TRIM71: variants seen among roughly 807,000 people sequenced by gnomAD.
TRIM71 encodes the protein tripartite motif containing 71.
A neutral mutation model predicts 61.2 loss-of-function variants in TRIM71; 9 were observed. The ratio of observed to expected loss-of-function variants is 0.15; its 90% CI spans 0.09 to 0.26. TRIM71 has a LOEUF of 0.26. Among genes scored for constraint, TRIM71 ranks in the 10% least tolerant of loss-of-function variants. The pLI is 1.00. For missense variants in TRIM71, 998 were observed against 1,238.7 expected (o/e 0.81, Z 2.92); for synonymous variants, 645 against 553.2 (o/e 1.17, Z -2.33).
chr3:32,831,973 T>G (rs1169504888), intron 1 of TRIM71, among the ~76,000 whole-genome samples: 1 of 152,224 alleles, frequency 6.6e-6, no homozygotes, highest in Non-Finnish European at 1.5e-5. Context: ...AATGCCTGTT[T>G]CTGCTCAGTG....
intron 1 of TRIM71, among the ~76,000 whole-genome samples, chr3:32,852,033 C>T (rs996168850): frequency 6.6e-6 from 1 of 152,228 alleles, no homozygotes; most frequent in African/African-American, 2.4e-5. Context: ...GTACCCAAAA[C>T]CCTCTGGAGC....
intron 2 of TRIM71, among the ~76,000 whole-genome samples, chr3:32,875,516 A>G (rs1014771187): frequency 2.6e-5 from 4 of 152,240 alleles, no homozygotes; most frequent in African/African-American, 9.6e-5. Flanking sequence ...GAACCATTCT[A>G]GAATATTTAT....
At chr3:32,885,613 T>C (rs547666122) in intron 2 of TRIM71, among the ~76,000 whole-genome samples, 35 of 152,362 alleles carry the variant, frequency 2.3e-4, no homozygotes, top group Admixed American at 1.4e-3. Context: ...TTACATCTGA[T>C]CCTCATTCCC....
At chr3:32,825,463 C>T (rs1696189888) in intron 1 of TRIM71, among the ~76,000 whole-genome samples, 1 of 152,066 alleles carries the variant, frequency 6.6e-6, no homozygotes, top group Admixed American at 6.5e-5. Context: ...ATTTCTCCAT[C>T]CAGTTCTCTA....
intron 1 of TRIM71, among the ~76,000 whole-genome samples, chr3:32,840,059 T>C (rs1245645665): frequency 6.6e-6 from 1 of 152,194 alleles, no homozygotes; most frequent in Non-Finnish European, 1.5e-5. Context: ...CTTGCTGCTT[T>C]GTAAGTCTGC....
intron 1 of TRIM71, among the ~76,000 whole-genome samples, chr3:32,852,462 G>A (rs927886354): frequency 3.9e-5 from 6 of 152,180 alleles, no homozygotes; most frequent in African/African-American, 1.4e-4. Context: ...TGAGAACTTA[G>A]AAACGGACCC....
At position 32,847,111 on chromosome 3, in the gene TRIM71, G is replaced by A. The variant is rs1017827734; in HGVS notation, c.853-26707G>A. ...CAGTGGCACCATCTCTGCAACCTCC[G>A]CCTCCCAGGTTCAAGCGATTCTCCT... On this transcript the variant is annotated intron_variant, in intron 1 of 3. Coordinates refer to ENST00000383763, the MANE Select transcript of TRIM71 (RefSeq NM_001039111.3). Among the ~76,000 whole-genome samples the A allele has an allele frequency of 4.0e-5, 6 of 151,568 alleles. No homozygotes were observed. In the East Asian group the frequency reaches 7.8e-4, roughly 20 times the overall value.
At chr3:32,832,902 C>A (rs1343054309) in intron 1 of TRIM71, among the ~76,000 whole-genome samples, 2 of 151,872 alleles carry the variant, frequency 1.3e-5, no homozygotes, top group Non-Finnish European at 1.5e-5. Flanking sequence ...GGGCTGGGCG[C>A]GGTGGCTCAC....
chr3:32,858,148 A>G (rs1276680460), intron 1 of TRIM71, among the ~76,000 whole-genome samples: 2 of 152,068 alleles, frequency 1.3e-5, no homozygotes. Context: ...ATCTATGTAT[A>G]AGTGGACCCT....
chr3:32,886,074 A>C lies in TRIM71; in HGVS notation c.1155+6A>C. Reference sequence around the variant, plus strand: ...AGTGTGAGCTGCTGTGGAAGGTAACAGGGAGAGCTCCCCCACCCAGGCTGT... The same window carrying C: ...AGTGTGAGCTGCTGTGGAAGGTAACCGGGAGAGCTCCCCCACCCAGGCTGT... On this transcript the variant is annotated splice_donor_region_variant and intron_variant, in intron 3 of 3. Transcript: ENST00000383763. The C allele has an allele frequency of 6.2e-7, 1 of 1,610,664 alleles. No individual in the cohort carries two copies. Among genetic ancestry groups the C allele is most frequent in the Non-Finnish European group, 8.5e-7 (1 of 1,178,286 alleles).
At chr3:32,851,857 A>G (rs1405187591) in intron 1 of TRIM71, among the ~76,000 whole-genome samples, 1 of 152,166 alleles carries the variant, frequency 6.6e-6, no homozygotes, top group African/African-American at 2.4e-5. Flanking sequence ...TTTCAAACTT[A>G]AATTTCAGGT....
chr3:32,818,165 T>C lies in TRIM71; in HGVS notation c.85T>C (p.Ser29Pro), dbSNP rs1559534372. 1.9e-6 allele frequency: 3 copies of C among 1,604,182 alleles called. No individual in the cohort carries two copies. Among genetic ancestry groups the C allele is most frequent in the Non-Finnish European group, 2.6e-6 (3 of 1,176,012 alleles). ...CTCGCCGGCGCCGCTCTCCTCCAAC[T>C]CGTCCGCGTCGTCGTCCTCCTCGCA... ...CGSPAPLSSN[S>P]SASSSSSQTS... Residue 29 changes from serine (S) to proline (P), a missense_variant, in exon 1 of 4, where the codon TCG (serine) becomes CCG (proline). Physicochemically the swap from Ser to Pro is moderately conservative, Grantham distance 74. Around this residue, in one of 5 missense-constraint regions of TRIM71, gnomAD observed 527 missense variants for 427.8 expected, o/e 1.23. Transcript: ENST00000383763.
chr3:32,878,773 C>CA (rs1216406977), intron 2 of TRIM71, among the ~76,000 whole-genome samples: 3 of 152,224 alleles, frequency 2.0e-5, no homozygotes, highest in African/African-American at 7.2e-5. Flanking sequence ...TCAGGATGGA[C>CA]AATGACTGTT....
At chr3:32,824,880 C>T (rs1242380274) in intron 1 of TRIM71, among the ~76,000 whole-genome samples, 2 of 151,944 alleles carry the variant, frequency 1.3e-5, no homozygotes, top group East Asian at 3.9e-4. Context: ...CTGCAACCTC[C>T]GCCTCCCTGG....
At chr3:32,828,463 C>G (rs1161819265) in intron 1 of TRIM71, among the ~76,000 whole-genome samples, 1 of 148,920 alleles carries the variant, frequency 6.7e-6, no homozygotes, top group Non-Finnish European at 1.5e-5. Flanking sequence ...AATATAAAGT[C>G]TCATAGCACA....
chr3:32,895,816 GT>G lies in TRIM71; in HGVS notation c.*4008del, dbSNP rs1211024907. On this transcript the variant is annotated 3_prime_UTR_variant, in exon 4 of 4. Transcript: ENST00000383763. ...AGACCACACTGACTGCTTTTGCTGA[GT>G]TTCTACCTCACTTGTGGCAAGTCAT... is the stretch of plus-strand genomic sequence containing the variant. 1 of 152,198 alleles carries G rather than the reference GT, an allele frequency of 6.6e-6. No individual in the cohort carries two copies. Among genetic ancestry groups the G allele is most frequent in the African/African-American group, 2.4e-5 (1 of 41,430 alleles). The allele number at this position is 152,198 out of a possible 1,614,324, so 9.4% of individuals were successfully genotyped here. A position where few individuals can be genotyped will look rare whatever the true frequency, so the allele number is the denominator to read the frequency against.
chr3:32,880,504 T>TGTGACTCAC (rs1696897897), intron 2 of TRIM71, among the ~76,000 whole-genome samples: 1 of 152,180 alleles, frequency 6.6e-6, no homozygotes, highest in Non-Finnish European at 1.5e-5. Context: ...CTTATGACTT[T>TGTGACTCAC]AAAGAGACTC....
At chr3:32,834,237 G>A (rs973839563) in intron 1 of TRIM71, among the ~76,000 whole-genome samples, 3 of 152,170 alleles carry the variant, frequency 2.0e-5, no homozygotes, top group African/African-American at 7.2e-5. Context: ...GGTTATAAAT[G>A]GAAACCATTT....
chr3:32,833,104 G>A lies in TRIM71; in HGVS notation c.852+14172G>A, dbSNP rs551729622. ...GCAGGAGAATCACTGGAACCCGGGA[G>A]GTGGAGGTTGCAGCAAGCTGAGATT... On this transcript the variant is annotated intron_variant, in intron 1 of 3. Coordinates refer to ENST00000383763, the MANE Select transcript of TRIM71 (RefSeq NM_001039111.3). Among the ~76,000 whole-genome samples the A allele has an allele frequency of 1.6e-3, 235 of 150,076 alleles. 1 individual carries two copies. Among genetic ancestry groups the A allele is most frequent in the African/African-American group, 5.4e-3 (223 of 40,934 alleles).
Sources: gnomAD v4.1 joint callset for allele counts (sites outside exome capture counted in the v4.1 genomes callset) on GRCh38, gnomAD v4.1.1 for gene constraint, gnomAD v4.1.1 regional missense constraint, MANE v1.5 for transcripts, NCBI Gene and HGNC (gene_info 2026-07-23, HGNC 2026-07-21) for gene names.